Variants in CD44 observed in about 807,000 individuals in gnomAD.
CD44 encodes the protein CD44 antigen.
In CD44, 49 loss-of-function variants were observed where a neutral mutation model predicts 88.8. That is an observed-to-expected ratio of 0.55 (90% CI 0.44 to 0.70). The LOEUF is 0.70. Ranked by LOEUF, CD44 falls within the 30% of genes least tolerant of loss-of-function variation. CD44 has a pLI of 0.00. For synonymous variants in CD44, 325 were observed against 312.3 expected (o/e 1.04, Z -0.43); for missense variants, 883 against 913.8 (o/e 0.97, Z 0.43).
intron 2 of CD44, among the ~76,000 whole-genome samples, chr11:35,178,162 C>T (rs949650138): frequency 6.6e-6 from 1 of 152,150 alleles, no homozygotes; most frequent in Non-Finnish European, 1.5e-5. Flanking sequence ...TAATTATGGC[C>T]CTGACTAGGC....
chr11:35,172,994 G>A (rs1486813604), intron 1 of CD44, among the ~76,000 whole-genome samples: 1 of 152,180 alleles, frequency 6.6e-6, no homozygotes, highest in African/African-American at 2.4e-5. Context: ...AAACTCAAGG[G>A]ATTTTGCTGA....
chr11:35,193,863 A>G (rs946104329), intron 5 of CD44, among the ~76,000 whole-genome samples: 4 of 152,350 alleles, frequency 2.6e-5, no homozygotes, highest in Middle Eastern at 6.8e-3. Flanking sequence ...AGGAAGTTTT[A>G]TCTGATTTCG....
At chr11:35,176,949 G>A in intron 2 of CD44, 1 of 517,478 alleles carries the variant, frequency 1.9e-6, no homozygotes, top group South Asian at 2.7e-5. Flanking sequence ...TCATAGAGCG[G>A]GAACCCAGAG....
At chr11:35,201,335 T>G (rs1274575918) in intron 8 of CD44, 140 bp downstream of exon 8, 3 of 673,720 alleles carry the variant, frequency 4.5e-6, no homozygotes, top group Non-Finnish European at 7.9e-6. Flanking sequence ...ATGAGGATAC[T>G]TAATTCCATT....
At chr11:35,150,075 A>G (rs1860009717) in intron 1 of CD44, among the ~76,000 whole-genome samples, 1 of 151,694 alleles carries the variant, frequency 6.6e-6, no homozygotes, top group African/African-American at 2.4e-5. Context: ...TACTTTAAAA[A>G]CATTGCTTCA....
chr11:35,211,129 C>A, intron 13 of CD44, 117 bp from the exon 14 acceptor site: 1 of 740,862 alleles, frequency 1.3e-6, no homozygotes, highest in Non-Finnish European at 2.4e-6. Context: ...TCTATTTCTC[C>A]CTATTTATGG....
chr11:35,148,242 A>G (rs908541247), intron 1 of CD44, among the ~76,000 whole-genome samples: 9 of 152,160 alleles, frequency 5.9e-5, no homozygotes, highest in Non-Finnish European at 1.3e-4. Flanking sequence ...CCAATCACAG[A>G]TGTTGCCTCT....
intron 15 of CD44, among the ~76,000 whole-genome samples, chr11:35,215,551 G>T (rs1948762996): frequency 1.3e-5 from 2 of 152,110 alleles, no homozygotes; most frequent in Non-Finnish European, 2.9e-5. Flanking sequence ...CATGTATTAG[G>T]TTGGGCCAAA....
chr11:35,186,689 C>A, intron 3 of CD44, 143 bp from the exon 4 acceptor site: 3 of 575,446 alleles, frequency 5.2e-6, no homozygotes, highest in East Asian at 3.0e-5. Context: ...CAGAGAAATT[C>A]CTAGCCAACT....
intron 3 of CD44, among the ~76,000 whole-genome samples, chr11:35,182,321 A>G (rs1945225501): frequency 6.6e-6 from 1 of 152,050 alleles, no homozygotes; most frequent in African/African-American, 2.4e-5. Flanking sequence ...GAAGAAATCT[A>G]GAGTTTAGGA....
chr11:35,176,642 T>C lies in CD44; in HGVS notation c.135T>C (p.Ser45=), dbSNP rs1378263144. 2 of 1,614,220 alleles carry C rather than the reference T, an allele frequency of 1.2e-6. No individual in the cohort carries two copies. The highest frequency in any genetic ancestry group is 2.2e-5 in the East Asian group (1 of 44,892). The change falls in exon 2 of 18, where the codon TCT becomes TCC. Residue 45 remains serine, a synonymous_variant. Coordinates refer to ENST00000428726, the MANE Select transcript of CD44 (RefSeq NM_000610.4). ...HVEKNGRYSI[S]RTEAADLCKA... is the part of the protein sequence containing the mutation. Reference sequence around the variant, plus strand: ...AGAAAAATGGTCGCTACAGCATCTCTCGGACGGAGGCCGCTGACCTCTGCA... The same window carrying C: ...AGAAAAATGGTCGCTACAGCATCTCCCGGACGGAGGCCGCTGACCTCTGCA...
At chr11:35,205,825 C>T (rs575366156) in intron 10 of CD44, 1 of 1,046,804 alleles carries the variant, frequency 9.6e-7, no homozygotes, top group Non-Finnish European at 1.1e-6. Context: ...AGTACTTCTC[C>T]TTCATCTTCC....
At chr11:35,151,114 CAG>C (rs1206801598) in intron 1 of CD44, among the ~76,000 whole-genome samples, 1 of 151,984 alleles carries the variant, frequency 6.6e-6, no homozygotes, top group Non-Finnish European at 1.5e-5. Context: ...AGAAGATAGA[CAG>C]AGAGAGGGGA....
chr11:35,227,389 T>C (rs1949781080), intron 17 of CD44, among the ~76,000 whole-genome samples: 1 of 152,222 alleles, frequency 6.6e-6, no homozygotes, highest in South Asian at 2.1e-4. Context: ...TTTTACCATG[T>C]TGCCCAGGCT....
intron 16 of CD44, 96 bp downstream of exon 16, chr11:35,219,483 C>T: frequency 3.7e-6 from 3 of 813,744 alleles, no homozygotes; most frequent in Non-Finnish European, 4.2e-6. Flanking sequence ...AGCACATTCT[C>T]CACAATGCCC....
chr11:35,175,864 C>CTTTTT (rs71457374), intron 1 of CD44, among the ~76,000 whole-genome samples: 1 of 123,186 alleles, frequency 8.1e-6, no homozygotes, highest in African/African-American at 3.0e-5. Flanking sequence ...TTTGTTTGTT[C>CTTTTT]TTTTTTTTTT....
intron 3 of CD44, among the ~76,000 whole-genome samples, chr11:35,183,796 C>T (rs1273983518): frequency 1.3e-5 from 2 of 152,086 alleles, no homozygotes; most frequent in Non-Finnish European, 2.9e-5. Flanking sequence ...ATTAAGCTTG[C>T]TTTCAGTCAA....
At chr11:35,140,662 T>G (rs915491910) in intron 1 of CD44, among the ~76,000 whole-genome samples, 1 of 152,120 alleles carries the variant, frequency 6.6e-6, no homozygotes, top group Non-Finnish European at 1.5e-5. Flanking sequence ...TGAGAGGTCT[T>G]TGCTAGGTGG....
chr11:35,170,578 G>A (rs555749195), intron 1 of CD44, among the ~76,000 whole-genome samples: 17 of 152,310 alleles, frequency 1.1e-4, no homozygotes, highest in Admixed American at 3.3e-4. Context: ...CTCATTTATC[G>A]CTCAGAGGGA....
Sources: gnomAD v4.1 joint callset for allele counts (sites outside exome capture counted in the v4.1 genomes callset) on GRCh38, gnomAD v4.1.1 for gene constraint, MANE v1.5 for transcripts, NCBI Gene and HGNC (gene_info 2026-07-23, HGNC 2026-07-21) for gene names.